The following EFEMP1 variants were observed in gnomAD, a reference collection of about 807,000 sequenced individuals.
EFEMP1 encodes the protein EGF-containing fibulin-like extracellular matrix protein 1.
In EFEMP1, 18 loss-of-function variants were observed where a neutral mutation model predicts 65.7. That is an observed-to-expected ratio of 0.27 (90% CI 0.19 to 0.41). The LOEUF is 0.41. EFEMP1 is among the 10% of genes least tolerant of loss of function. EFEMP1 has a pLI of 1.00. For synonymous variants in EFEMP1, 237 were observed against 219.7 expected (o/e 1.08, Z -0.70); for missense variants, 469 against 624.8 (o/e 0.75, Z 2.66).
At chr2:55,882,946 G>A (rs1669300266) in intron 5 of EFEMP1, among the ~76,000 whole-genome samples, 1 of 152,152 alleles carries the variant, frequency 6.6e-6, no homozygotes, top group Non-Finnish European at 1.5e-5. Context: ...GAATCTCTGA[G>A]AGTAGACCCT....
chr2:55,907,606 T>C (rs894418343), intron 5 of EFEMP1, among the ~76,000 whole-genome samples: 2 of 152,234 alleles, frequency 1.3e-5, no homozygotes, highest in East Asian at 1.9e-4. Flanking sequence ...CTGGTGTGAA[T>C]GTATGTACAA....
chr2:55,917,917 G>C lies in EFEMP1; in HGVS notation c.265C>G (p.Gln89Glu), dbSNP rs1325777848. The C allele has an allele frequency of 5.0e-6, 8 of 1,614,092 alleles. No individual in the cohort carries two copies. The highest frequency in any genetic ancestry group is 6.8e-6 in the Non-Finnish European group (8 of 1,180,044). Residue 89 changes from glutamine (Q) to glutamate (E), a missense_variant, in exon 5 of 12, where the codon CAA (glutamine) becomes GAA (glutamate). Transcript: ENST00000355426. This position sits in a 1 kb window ranked among gnomAD's most constrained non-coding sequence, Gnocchi z 6.3. ...VNNEQPQQET[Q>E]PAEGTSGATT... ...GCCCCTGAGGTTCCTTCTGCTGGTT[G>C]TGTTTCCTGCTGAGGCTGTTCATTA...
chr2:55,893,166 G>A (rs946964697), intron 5 of EFEMP1, among the ~76,000 whole-genome samples: 1 of 152,112 alleles, frequency 6.6e-6, no homozygotes, highest in African/African-American at 2.4e-5. Flanking sequence ...ATGAGTTTCA[G>A]AATTAGAGGA....
At position 55,885,498 on chromosome 2, in the gene EFEMP1, A is replaced by G. The variant is rs1421832760; in HGVS notation, c.518-3764T>C. 6.6e-6 allele frequency among the ~76,000 whole-genome samples: 1 copy of G among 152,244 alleles called. No homozygotes were observed. Among genetic ancestry groups the G allele is most frequent in the African/African-American group, 2.4e-5 (1 of 41,468 alleles). ...CCTAATGTTAACATTACCAAAGAAC[A>G]AAATAATAGATTGTGCTTCCTAAAA... On this transcript the variant is annotated intron_variant, in intron 5 of 11. Coordinates refer to ENST00000355426, the MANE Select transcript of EFEMP1 (RefSeq NM_001039348.3). This position sits in a 1 kb window ranked among gnomAD's most constrained non-coding sequence, Gnocchi z 4.3.
At position 55,919,607 on chromosome 2, in the gene EFEMP1, CAAAT is replaced by C. The variant is rs978809446; in HGVS notation, c.82-1344_82-1341del. 1.3e-5 allele frequency among the ~76,000 whole-genome samples: 2 copies of C among 152,144 alleles called. No homozygotes were observed. The highest frequency in any genetic ancestry group is 4.8e-5 in the African/African-American group (2 of 41,438). ...ATTGAGCAAAAGTGGAGTAAACAAACAAATAAACTTAAATTCTTTTAATATAACT... is the reference window on the plus strand; with the variant it reads ...ATTGAGCAAAAGTGGAGTAAACAAACAAACTTAAATTCTTTTAATATAACT... On this transcript the variant is annotated intron_variant, in intron 3 of 11. Coordinates refer to ENST00000355426, the MANE Select transcript of EFEMP1 (RefSeq NM_001039348.3). This position sits in a 1 kb window ranked among gnomAD's most constrained non-coding sequence, Gnocchi z 4.5.
At chr2:55,912,427 T>C (rs1670510401) in intron 5 of EFEMP1, among the ~76,000 whole-genome samples, 1 of 152,168 alleles carries the variant, frequency 6.6e-6, no homozygotes, top group African/African-American at 2.4e-5. Context: ...GGATATAAGA[T>C]CACTTAAGTT....
chr2:55,910,006 C>G (rs1389508922), intron 5 of EFEMP1, among the ~76,000 whole-genome samples: 2 of 152,138 alleles, frequency 1.3e-5, no homozygotes, highest in Non-Finnish European at 2.9e-5. Context: ...TGCAATACTG[C>G]CTAGTTACCC....
rs767113923 is a variant in EFEMP1 at position 55,917,941 on chromosome 2, T to C, written c.241A>G (p.Asn81Asp). ...LPKTAQIIVN[N>D]EQPQQETQPA... is the part of the protein sequence containing the mutation. ...TGTGTTTCCTGCTGAGGCTGTTCAT[T>C]ATTGACAATAATCTGGGCTGTTTTC... is the stretch of plus-strand genomic sequence containing the variant. Residue 81 changes from asparagine (N) to aspartate (D), a missense_variant, in exon 5 of 12, where the codon AAT becomes GAT. Around this residue, in one of 3 missense-constraint regions of EFEMP1, gnomAD observed 399 missense variants for 528.2 expected, o/e 0.76. Transcript: ENST00000355426. This position sits in a 1 kb window ranked among gnomAD's most constrained non-coding sequence, Gnocchi z 6.3. 6.2e-7 allele frequency: 1 copy of C among 1,614,222 alleles called. No homozygotes were observed. Among genetic ancestry groups the C allele is most frequent in the South Asian group, 1.1e-5 (1 of 91,078 alleles).
At position 55,870,734 on chromosome 2, in the gene EFEMP1, C is replaced by G; in HGVS notation, c.1306G>C (p.Glu436Gln). 6.2e-7 allele frequency: 1 copy of G among 1,613,672 alleles called. No individual in the cohort carries two copies. The highest frequency in any genetic ancestry group is 8.5e-7 in the Non-Finnish European group (1 of 1,179,706). ...FRIKSGNENG[E>Q]FYLRQTSPVS... ...AGGATACTTACTCGTAGGTAGAACT[C>G]TCCATTTTCATTTCCAGATTTAATC... Residue 436 changes from glutamate to glutamine, a missense_variant, in exon 11 of 12, where the codon GAG becomes CAG. Around this residue, in one of 3 missense-constraint regions of EFEMP1, gnomAD observed 399 missense variants for 528.2 expected, o/e 0.76. Transcript: ENST00000355426. The surrounding 1 kb of genome is among the most constrained non-coding windows in gnomAD (Gnocchi z 5.8).
rs1171992910 is a variant in EFEMP1 at position 55,867,751 on chromosome 2, G to A, written c.1321-517C>T. Among the ~76,000 whole-genome samples the A allele has an allele frequency of 1.3e-5, 2 of 152,146 alleles. No homozygotes were observed. The highest frequency in any genetic ancestry group is 2.9e-5 in the Non-Finnish European group (2 of 68,018). ...GGTGTATGTATAAAGGGAAGAAAAG[G>A]AAGAGCCCTGAAGCACTGAGGGAAA... On this transcript the variant is annotated intron_variant, in intron 11 of 11. Coordinates refer to ENST00000355426, the MANE Select transcript of EFEMP1 (RefSeq NM_001039348.3). This position sits in a 1 kb window ranked among gnomAD's most constrained non-coding sequence, Gnocchi z 4.3.
intron 5 of EFEMP1, among the ~76,000 whole-genome samples, chr2:55,890,395 TCTC>T (rs916167679): frequency 7.2e-5 from 11 of 152,070 alleles, no homozygotes; most frequent in Non-Finnish European, 1.0e-4. Flanking sequence ...TTAACACACT[TCTC>T]CTGGTAATTG....
intron 9 of EFEMP1, among the ~76,000 whole-genome samples, chr2:55,872,970 C>T (rs1403976838): frequency 6.6e-6 from 1 of 151,786 alleles, no homozygotes. Flanking sequence ...TCACCTTAAT[C>T]ATTCTGGAAG....
intron 5 of EFEMP1, among the ~76,000 whole-genome samples, chr2:55,906,073 A>G (rs1670255088): frequency 6.6e-6 from 1 of 152,192 alleles, no homozygotes; most frequent in Non-Finnish European, 1.5e-5. Context: ...GTTCTACAGA[A>G]CTATTATTAT....
At chr2:55,889,017 C>T (rs1448441577) in intron 5 of EFEMP1, among the ~76,000 whole-genome samples, 1 of 152,220 alleles carries the variant, frequency 6.6e-6, no homozygotes, top group African/African-American at 2.4e-5. Flanking sequence ...AGACTGACTA[C>T]ATTCAACTGA....
At chr2:55,916,491 C>T (rs1256050091) in intron 5 of EFEMP1, among the ~76,000 whole-genome samples, 1 of 152,226 alleles carries the variant, frequency 6.6e-6, no homozygotes, top group African/African-American at 2.4e-5. Flanking sequence ...TAAGGGGCAG[C>T]ATCCCAGGGC....
Position 55,922,120 on chromosome 2 carries a change from T to C in EFEMP1, c.81+240A>G, listed in dbSNP as rs1670925411. On this transcript the variant is annotated intron_variant, in intron 3 of 11. Coordinates refer to ENST00000355426, the MANE Select transcript of EFEMP1 (RefSeq NM_001039348.3). The surrounding 1 kb of genome is among the most constrained non-coding windows in gnomAD (Gnocchi z 5.5). ...TTAGTTTTTGAACGGATCCCATTTT[T>C]AGCCCTGCACAAATGATTACATGTT... 2.1e-6 allele frequency: 1 copy of C among 477,836 alleles called. No homozygotes were observed. Among genetic ancestry groups the C allele is most frequent in the South Asian group, 2.1e-5 (1 of 48,070 alleles). 29.6% of individuals were successfully genotyped at this position (477,836 alleles called of 1,614,324 possible).
intron 5 of EFEMP1, among the ~76,000 whole-genome samples, chr2:55,904,965 GCTTTTTTTTTTTTCTTTTT>G (rs1670187280): frequency 1.1e-5 from 1 of 90,510 alleles, no homozygotes; most frequent in African/African-American, 6.0e-5. Context: ...AGGGATAGTG[GCTTTTTTTTTTTTCTTTTT>G]CTTTTTTTTT....
chr2:55,879,762 C>G (rs1669171490), intron 6 of EFEMP1, among the ~76,000 whole-genome samples: 1 of 152,094 alleles, frequency 6.6e-6, no homozygotes, highest in African/African-American at 2.4e-5. Flanking sequence ...TTGGACCAGT[C>G]TGCAATGAAT....
chr2:55,894,215 T>C (rs1669732451), intron 5 of EFEMP1, among the ~76,000 whole-genome samples: 1 of 152,206 alleles, frequency 6.6e-6, no homozygotes, highest in Non-Finnish European at 1.5e-5. Flanking sequence ...AGAGAACTAT[T>C]GTGTGAACAA....
Sources: gnomAD v4.1 joint callset for allele counts (sites outside exome capture counted in the v4.1 genomes callset) on GRCh38, gnomAD v4.1.1 for gene constraint, gnomAD v4.1.1 regional missense constraint, Gnocchi (gnomAD v3.1) non-coding constraint, MANE v1.5 for transcripts, NCBI Gene and HGNC (gene_info 2026-07-23, HGNC 2026-07-21) for gene names.